UNC13A: variants seen among roughly 807,000 people sequenced by gnomAD.
The protein encoded by UNC13A is protein unc-13 homolog A.
A neutral mutation model predicts 219.7 loss-of-function variants in UNC13A; 61 were observed. The ratio of observed to expected loss-of-function variants is 0.28; its 90% confidence interval spans 0.23 to 0.34. The LOEUF (loss-of-function observed/expected upper bound fraction) is 0.34. UNC13A is among the 10% of genes least tolerant of loss of function. UNC13A has a pLI of 1.00. For missense variants in UNC13A, 1,476 were observed against 2,270.3 expected (o/e 0.65, Z 7.11); for synonymous variants, 920 against 884.6 (o/e 1.04, Z -0.71).
chr19:17,642,759 G>T, intron 20 of UNC13A, 86 bp downstream of exon 20: 1 of 1,172,738 alleles, frequency 8.5e-7, no homozygotes, highest in Non-Finnish European at 1.2e-6. Context: ...GGAGAGTGTG[G>T]ATGGTGTGGC....
Position 17,674,536 on chromosome 19 carries a change from G to A in UNC13A, c.152+121C>T. 2 of 771,980 alleles carry A rather than the reference G, an allele frequency of 2.6e-6. No homozygotes were observed. The highest frequency in any genetic ancestry group is 4.4e-6 in the Non-Finnish European group (2 of 458,316). The allele number at this position is 771,980 out of a possible 1,614,324, so 47.8% of individuals were successfully genotyped here. On this transcript the variant is annotated intron_variant, in intron 3 of 43. Transcript: ENST00000519716. The surrounding 1 kb of genome is among the most constrained non-coding windows in gnomAD (Gnocchi z 5.0). ...AGGTGAAGGTGATAAGGTGGACAGGGGAAGAGGGAGGACAGAGGGGAGTCA... is the reference window on the plus strand; with the variant it reads ...AGGTGAAGGTGATAAGGTGGACAGGAGAAGAGGGAGGACAGAGGGGAGTCA...
At chr19:17,680,767 T>C (rs2079992077) in intron 1 of UNC13A, among the ~76,000 whole-genome samples, 1 of 151,738 alleles carries the variant, frequency 6.6e-6, no homozygotes. Flanking sequence ...ATCTTTACTG[T>C]TTTTATTATT....
In UNC13A at chr19:17,618,482, T is replaced by G; in HGVS notation, c.4349A>C (p.Glu1450Ala). ...CTGCTTTGGGGTCAAGCTCTTGGCT[T>G]CTTCTCGTACCATGTGATCCTGGAT... ...SKLKDHMVRE[E>A]AKSLTPKQCA... The change falls in exon 40 of 44, where the codon GAA (glutamate) becomes GCA (alanine). Residue 1450 changes from glutamate to alanine, a missense_variant. Around this residue, in one of 14 missense-constraint regions of UNC13A, gnomAD observed 75 missense variants for 100.2 expected, o/e 0.75. Coordinates refer to ENST00000519716, the MANE Select transcript of UNC13A (RefSeq NM_001080421.3). 6.3e-7 allele frequency: 1 copy of G among 1,592,670 alleles called. No individual in the cohort carries two copies. The highest frequency in any genetic ancestry group is 8.6e-7 in the Non-Finnish European group (1 of 1,169,388).
Position 17,609,998 on chromosome 19 carries a change from A to G in UNC13A, c.4753T>C (p.Phe1585Leu), listed in dbSNP as rs1222982701. Residue 1585 changes from phenylalanine to leucine, a missense_variant, in exon 43 of 44, where the codon TTT becomes CTT. By Grantham distance (22) the Phe-to-Leu change is conservative. This residue lies in a region of UNC13A where 187 missense variants were observed against 172.3 expected (regional missense o/e 1.09). Transcript: ENST00000519716. ...CTATTGTTCTTGGATTTGGTCGCAA[A>G]CTTGCGTTTCTTGTCGCTGAGCTGG... ...GPQLSDKKRK[F>L]ATKSKNNSWA... is the part of the protein sequence containing the mutation. The G allele has an allele frequency of 6.2e-7, 1 of 1,614,014 alleles. No individual in the cohort carries two copies.
At chr19:17,668,296 T>C in intron 5 of UNC13A, 106 bp from the exon 6 acceptor site, 1 of 1,086,444 alleles carries the variant, frequency 9.2e-7, no homozygotes, top group South Asian at 1.4e-5. Context: ...CTGGGGTCTT[T>C]GGCAAAGCCT....
At chr19:17,666,558 G>A (rs967947520) in intron 7 of UNC13A, 92 bp downstream of exon 7, 7 of 991,332 alleles carry the variant, frequency 7.1e-6, no homozygotes, top group African/African-American at 3.4e-5. Context: ...TTGTATCTCC[G>A]GACTGGAGGA....
At chr19:17,641,628 G>A in intron 20 of UNC13A, 72 bp from the exon 21 acceptor site, 1 of 1,500,666 alleles carries the variant, frequency 6.7e-7, no homozygotes, top group Non-Finnish European at 9.1e-7. Flanking sequence ...CCAGGGTCTG[G>A]GGCAGCTTAC....
Position 17,624,777 on chromosome 19 carries a change from T to C in UNC13A, c.4197+52A>G, listed in dbSNP as rs567606047. Reference sequence around the variant, plus strand: ...CCTCTAGGCACCAAGTTTTCTGGGCTCTCGCCAGGGAGGTGGCCTAAATGT... The same window carrying C: ...CCTCTAGGCACCAAGTTTTCTGGGCCCTCGCCAGGGAGGTGGCCTAAATGT... On this transcript the variant is annotated intron_variant, in intron 35 of 43. Coordinates refer to ENST00000519716, the MANE Select transcript of UNC13A (RefSeq NM_001080421.3). 155 of 1,566,644 alleles carry C rather than the reference T, an allele frequency of 9.9e-5. No homozygotes were observed. In the South Asian group the frequency reaches 1.7e-3, roughly 17 times the overall value.
intron 43 of UNC13A, among the ~76,000 whole-genome samples, chr19:17,606,867 C>T (rs1433007760): frequency 7.0e-6 from 1 of 143,516 alleles, no homozygotes; most frequent in Admixed American, 6.9e-5. Context: ...TGCCCTGGTG[C>T]CTCACCATGG....
chr19:17,685,364 T>TG (rs985768251), intron 1 of UNC13A, among the ~76,000 whole-genome samples: 2 of 151,818 alleles, frequency 1.3e-5, no homozygotes, highest in Non-Finnish European at 2.9e-5. Flanking sequence ...CTAATTTTTT[T>TG]TATTTTTTAG....
Position 17,668,210 on chromosome 19 carries a change from T to G in UNC13A, c.395-20A>C. 3.7e-6 allele frequency: 6 copies of G among 1,610,252 alleles called. No individual in the cohort carries two copies. The highest frequency in any genetic ancestry group is 5.1e-6 in the Non-Finnish European group (6 of 1,178,224). On this transcript the variant is annotated intron_variant, in intron 5 of 43. Coordinates refer to ENST00000519716, the MANE Select transcript of UNC13A (RefSeq NM_001080421.3). ...GAATGTCTGCAAGCAGAGCCCTGTC[T>G]GTGAGCCTGGAAGACCCTCCCTGCC...
intron 41 of UNC13A, among the ~76,000 whole-genome samples, chr19:17,612,462 C>G (rs7246043): frequency 6.6e-6 from 1 of 152,160 alleles, no homozygotes; most frequent in Non-Finnish European, 1.5e-5. Context: ...CCCCAGCATC[C>G]CATGCCTGGA....
At position 17,656,013 on chromosome 19, in the gene UNC13A, C is replaced by T. The variant is rs372619205; in HGVS notation, c.1153G>A (p.Glu385Lys). ...ISLPPAAPGKEDKAPVAPTEA... is the reference protein window; with the variant it reads ...ISLPPAAPGKKDKAPVAPTEA... ...GTGGGTGCCACTGGGGCCTTGTCCT[C>T]CTTCCCTGGGGCAGCTGGCGGGAGG... The change falls in exon 10 of 44, where the codon GAG becomes AAG. Residue 385 changes from glutamate to lysine, a missense_variant. Transcript: ENST00000519716. 1.0e-5 allele frequency: 16 copies of T among 1,579,942 alleles called. No homozygotes were observed. Among genetic ancestry groups the T allele is most frequent in the Non-Finnish European group, 1.2e-5 (14 of 1,163,070 alleles).
intron 12 of UNC13A, among the ~76,000 whole-genome samples, chr19:17,651,154 G>T (rs962232559): frequency 9.9e-5 from 15 of 151,714 alleles, no homozygotes; most frequent in African/African-American, 3.6e-4. Flanking sequence ...GACCAGGCTG[G>T]TCTCAGACTC....
chr19:17,627,599 TAAG>T lies in UNC13A; in HGVS notation c.3832-5_3832-3del, dbSNP rs763843832. ...GATGTCACTGGCTTCAGCATCCAGC[TAAG>T]GAGGGAGAAGGGACACCAGGCCAGG... is the stretch of plus-strand genomic sequence containing the variant. On this transcript the variant is annotated splice_polypyrimidine_tract_variant and splice_region_variant and intron_variant, in intron 32 of 43. Coordinates refer to ENST00000519716, the MANE Select transcript of UNC13A (RefSeq NM_001080421.3). The surrounding 1 kb of genome is among the most constrained non-coding windows in gnomAD (Gnocchi z 4.7). The T allele has an allele frequency of 4.8e-5, 75 of 1,557,128 alleles. No homozygotes were observed. The Middle Eastern group carries it at 1.3e-3, about 28-fold the overall frequency.
Position 17,630,697 on chromosome 19 carries a change from C to T in UNC13A, c.3482G>A (p.Arg1161Gln), listed in dbSNP as rs781441199. Reference sequence around the variant, plus strand: ...CTCCAGGGCACCGTGCAGGAAATCCCGGGACACCTCCTCATTCTCATCCAG... The same window carrying T: ...CTCCAGGGCACCGTGCAGGAAATCCTGGGACACCTCCTCATTCTCATCCAG... ...QWLDENEEVS[R>Q]DFLHGALERD... Residue 1161 changes from arginine to glutamine, a missense_variant, in exon 29 of 44, where the codon CGG becomes CAG. Coordinates refer to ENST00000519716, the MANE Select transcript of UNC13A (RefSeq NM_001080421.3). 1.2e-5 allele frequency: 19 copies of T among 1,613,736 alleles called. No homozygotes were observed. Among genetic ancestry groups the T allele is most frequent in the East Asian group, 2.2e-5 (1 of 44,864 alleles).
At chr19:17,678,212 C>T (rs1348947775) in intron 1 of UNC13A, among the ~76,000 whole-genome samples, 17 of 152,148 alleles carry the variant, frequency 1.1e-4, no homozygotes, top group Admixed American at 1.1e-3. Flanking sequence ...GGCGCGGTGG[C>T]TCATGCCTGT....
At chr19:17,641,357 C>T (rs758443387) in intron 21 of UNC13A, 36 bp downstream of exon 21, 3 of 1,605,248 alleles carry the variant, frequency 1.9e-6, no homozygotes, top group African/African-American at 2.7e-5. Context: ...TTGGTGACCT[C>T]CCTCTTGTTT....
Position 17,688,193 on chromosome 19 carries a change from G to A in UNC13A, c.7C>T (p.Leu3=), listed in dbSNP as rs150611021. 1,870 of 1,515,512 alleles carry A rather than the reference G, an allele frequency of 1.2e-3. 15 individuals are homozygous for A. The African/African-American group carries it at 0.02, about 16-fold the overall frequency. 93.9% of individuals were successfully genotyped at this position (1,515,512 alleles called of 1,614,324 possible). The part of the protein sequence containing the change: MS[L]LCVGVKKAKF... ...CGCCTCCTACCTCCAACGCAAAGCA[G>A]AGACATGTCTCCGAGCTCGCAGGTG... is the stretch of plus-strand genomic sequence containing the variant. The change falls in exon 1 of 44, where the codon CTG becomes TTG. Residue 3 remains leucine (L), a synonymous_variant. Coordinates refer to ENST00000519716, the MANE Select transcript of UNC13A (RefSeq NM_001080421.3).
Sources: gnomAD v4.1 joint callset for allele counts (sites outside exome capture counted in the v4.1 genomes callset) on GRCh38, gnomAD v4.1.1 for gene constraint, gnomAD v4.1.1 regional missense constraint, Gnocchi (gnomAD v3.1) non-coding constraint, MANE v1.5 for transcripts, NCBI Gene and HGNC (gene_info 2026-07-23, HGNC 2026-07-21) for gene names.